TTC23: variants seen among roughly 807,000 people sequenced by gnomAD.
TTC23 encodes the protein tetratricopeptide repeat protein 23.
TTC23 carries 58 observed loss-of-function variants against 55.1 expected under a neutral mutation model. The ratio of observed to expected loss-of-function variants is 1.05; its 90% CI spans 0.85 to 1.31. TTC23 has a LOEUF of 1.31. TTC23 is among the 50% of genes most tolerant of loss of function. The pLI, the probability that TTC23 is intolerant of heterozygous loss-of-function variation, is 0.00. For synonymous variants in TTC23, 203 were observed against 199.9 expected (o/e 1.02, Z -0.13); for missense variants, 516 against 534.4 (o/e 0.97, Z 0.34).
chr15:99,242,776 T>C (rs2079916303), intron 2 of TTC23, among the ~76,000 whole-genome samples: 1 of 152,032 alleles, frequency 6.6e-6, no homozygotes, highest in Non-Finnish European at 1.5e-5. Flanking sequence ...TTTGGCAAAA[T>C]CCATTATCCA....
chr15:99,180,131 C>T (rs915890619), intron 9 of TTC23, among the ~76,000 whole-genome samples: 1 of 152,118 alleles, frequency 6.6e-6, no homozygotes, highest in African/African-American at 2.4e-5. Flanking sequence ...ACACTCACTC[C>T]TTCTCCTCAG....
At chr15:99,248,354 G>A (rs529411789) in intron 1 of TTC23, 3 of 152,090 alleles carry the variant, frequency 2.0e-5, no homozygotes, top group Non-Finnish European at 4.4e-5. Flanking sequence ...TGGGAATTCC[G>A]GCTCTTTATA....
rs957011890 is a variant in TTC23, at chr15:99,156,243, C to T, written c.1048G>A (p.Asp350Asn). The T allele has an allele frequency of 6.8e-6, 11 of 1,614,128 alleles. No homozygotes were observed. The highest frequency in any genetic ancestry group is 4.5e-5 in the East Asian group (2 of 44,898). The change falls in exon 12 of 14, where the codon GAT becomes AAT. Residue 350 changes from aspartate (D) to asparagine (N), a missense_variant. Physicochemically the swap from Asp to Asn is conservative, Grantham distance 23. Transcript: ENST00000394132. ...GTCTCTGCCACCTCGGGACTGAAAT[C>T]GCCAAATGCTTCCACTTTGGCTTCC... ...SLEAKVEAFG[D>N]FSPEVAETYR...
chr15:99,154,265 T>C (rs1447741451), intron 12 of TTC23, among the ~76,000 whole-genome samples: 1 of 152,178 alleles, frequency 6.6e-6, no homozygotes, highest in African/African-American at 2.4e-5. Flanking sequence ...AAATAATACA[T>C]ACAAATATTG....
intron 12 of TTC23, among the ~76,000 whole-genome samples, chr15:99,144,250 G>A (rs1039187388): frequency 4.6e-5 from 7 of 152,190 alleles, no homozygotes; most frequent in African/African-American, 1.2e-4. Flanking sequence ...CCGTCAGTTA[G>A]CCATCCTCCT....
At chr15:99,153,905 A>G (rs540461105) in intron 12 of TTC23, among the ~76,000 whole-genome samples, 2 of 152,342 alleles carry the variant, frequency 1.3e-5, no homozygotes, top group East Asian at 3.9e-4. Context: ...ATGGGAAGAT[A>G]ACTGTTAAAA....
rs2076714894 is a variant in TTC23, at chr15:99,207,489, T to C, written c.582-7393A>G. Among the ~76,000 whole-genome samples the C allele has an allele frequency of 2.0e-5, 3 of 152,316 alleles. No homozygotes were observed. The South Asian group carries it at 6.2e-4, about 32-fold the overall frequency. ...AAGAAACCATAAGGGCCAGGTGCGG[T>C]AGCTCATGCCTGTAATCCCAGCACT... is the stretch of plus-strand genomic sequence containing the variant. On this transcript the variant is annotated intron_variant, in intron 8 of 13. Coordinates refer to ENST00000394132, the MANE Select transcript of TTC23 (RefSeq NM_001288615.3).
intron 9 of TTC23, among the ~76,000 whole-genome samples, chr15:99,183,092 A>T (rs115059670): frequency 6.6e-6 from 1 of 152,188 alleles, no homozygotes; most frequent in African/African-American, 2.4e-5. Flanking sequence ...GGAACTTCCT[A>T]AAGACTTGTG....
intron 9 of TTC23, among the ~76,000 whole-genome samples, chr15:99,190,285 T>C (rs1457788061): frequency 6.6e-6 from 1 of 151,516 alleles, no homozygotes; most frequent in South Asian, 2.1e-4. Flanking sequence ...TTTTTGTTTT[T>C]TTTTTTAGAT....
At chr15:99,206,870 C>T (rs959698670) in intron 8 of TTC23, among the ~76,000 whole-genome samples, 7 of 151,878 alleles carry the variant, frequency 4.6e-5, no homozygotes, top group Non-Finnish European at 8.8e-5. Context: ...TCTTGATTTT[C>T]TAGTTCCTTA....
At chr15:99,139,155 T>C in intron 13 of TTC23, 162 bp downstream of exon 13, 1 of 841,948 alleles carries the variant, frequency 1.2e-6, no homozygotes, top group Non-Finnish European at 1.9e-6. Flanking sequence ...GGAAGATCTT[T>C]TACAACTCGG....
chr15:99,156,386 G>C, intron 11 of TTC23, 89 bp from the exon 12 acceptor site: 5 of 1,497,884 alleles, frequency 3.3e-6, no homozygotes, highest in Non-Finnish European at 4.6e-6. Flanking sequence ...ACATGGGTGT[G>C]GTAGTCTCAC....
At chr15:99,248,020 T>TA (rs2080412321) in intron 1 of TTC23, among the ~76,000 whole-genome samples, 2 of 152,192 alleles carry the variant, frequency 1.3e-5, no homozygotes, top group African/African-American at 4.8e-5. Context: ...ACAAGACTTT[T>TA]ATAAAGACGG....
chr15:99,228,641 A>G lies in TTC23; in HGVS notation c.72T>C (p.His24=), dbSNP rs1397270211. The change falls in exon 5 of 14, where the codon CAT becomes CAC. Residue 24 remains histidine (H), a synonymous_variant. Transcript: ENST00000394132. ...DEVVAAVSIT[H]RKKFQNKLLQ... is the part of the protein sequence containing the mutation. ...GCAGCTTGTTTTGGAACTTCTTTCT[A>G]TGAGTGATGCTAACAGCAGCAACAA... 1.2e-6 allele frequency: 2 copies of G among 1,613,860 alleles called. No individual in the cohort carries two copies. Among genetic ancestry groups the G allele is most frequent in the South Asian group, 1.1e-5 (1 of 91,030 alleles).
chr15:99,143,590 A>C (rs1555491450), intron 12 of TTC23, among the ~76,000 whole-genome samples: 1 of 152,212 alleles, frequency 6.6e-6, no homozygotes, highest in Non-Finnish European at 1.5e-5. Flanking sequence ...AGTGAACAAT[A>C]AACTGAACTC....
At chr15:99,149,205 G>T (rs1271996126) in intron 12 of TTC23, among the ~76,000 whole-genome samples, 1 of 152,220 alleles carries the variant, frequency 6.6e-6, no homozygotes, top group Admixed American at 6.5e-5. Flanking sequence ...TTGTGCCCTG[G>T]TATTCACAGA....
chr15:99,173,766 G>A (rs958005011), intron 10 of TTC23, among the ~76,000 whole-genome samples: 12 of 152,006 alleles, frequency 7.9e-5, no homozygotes, highest in Non-Finnish European at 1.3e-4. Context: ...ACTCTGTTTC[G>A]TCTCTCTCAT....
intron 10 of TTC23, 33 bp downstream of exon 10, chr15:99,175,017 T>C (rs1198058425): frequency 1.2e-6 from 2 of 1,604,438 alleles, no homozygotes; most frequent in African/African-American, 2.7e-5. Flanking sequence ...CCCAGATGCC[T>C]GTGAGACAGG....
chr15:99,164,758 C>G (rs375075956), intron 10 of TTC23, among the ~76,000 whole-genome samples: 1 of 152,096 alleles, frequency 6.6e-6, no homozygotes, highest in African/African-American at 2.4e-5. Context: ...CATTCTGTGA[C>G]GGTAATGCCA....
Sources: gnomAD v4.1 joint callset for allele counts (sites outside exome capture counted in the v4.1 genomes callset) on GRCh38, gnomAD v4.1.1 for gene constraint, MANE v1.5 for transcripts, NCBI Gene and HGNC (gene_info 2026-07-23, HGNC 2026-07-21) for gene names.